Variants in FDFT1 observed in about 807,000 individuals in gnomAD.
FDFT1 encodes the protein squalene synthase.
In FDFT1, 68 loss-of-function variants were observed where a neutral mutation model predicts 46.8. That is an observed-to-expected ratio of 1.45 (90% CI 1.19 to 1.78). The LOEUF (loss-of-function observed/expected upper bound fraction) is 1.78, where lower values mean the gene tolerates loss of function less well. Ranked by LOEUF, FDFT1 falls within the 40% of genes most tolerant of loss-of-function variation. The pLI, the probability that FDFT1 is intolerant of heterozygous loss-of-function variation, is 0.00. For missense variants in FDFT1, 928 were observed against 524.4 expected, an observed-to-expected ratio of 1.77 and a Z score of -7.52; for synonymous variants, 351 against 185.1, an observed-to-expected ratio of 1.90 and a Z score of -7.28.
chr8:11,801,834 C>G (rs1032135348), upstream of FDFT1: 17 of 392,590 alleles, frequency 4.3e-5, no homozygotes, highest in Non-Finnish European at 7.0e-5. Context: ...GTTGGGACTA[C>G]AGGCGCCCAC....
At chr8:11,798,664 G>A (rs967940889), upstream of FDFT1, among the ~76,000 whole-genome samples, 1 of 152,108 alleles carries the variant, frequency 6.6e-6, no homozygotes, top group African/African-American at 2.4e-5. Context: ...TAAAGAATGG[G>A]CACGTTAACT....
chr8:11,827,957 T>G (rs1810236693), intron 5 of FDFT1, among the ~76,000 whole-genome samples: 1 of 151,898 alleles, frequency 6.6e-6, no homozygotes, highest in African/African-American at 2.4e-5. Context: ...ATCCCAGCAC[T>G]TTGGGAAGCC....
At chr8:11,796,885 G>A (rs1003703967) in intron 1 of FDFT1, among the ~76,000 whole-genome samples, 11 of 152,254 alleles carry the variant, frequency 7.2e-5, no homozygotes, top group African/African-American at 1.4e-4. Context: ...TAAAGAGGCA[G>A]TGTGACAGCT....
intron 2 of FDFT1, 32 bp from the exon 3 acceptor site, chr8:11,809,635 C>G (rs1289530500): frequency 1.3e-6 from 2 of 1,545,850 alleles, no homozygotes; most frequent in Non-Finnish European, 8.7e-7. Flanking sequence ...GCTGTTTGTT[C>G]CAATATATTA....
At chr8:11,832,077 C>CT (rs888168638) in intron 7 of FDFT1, among the ~76,000 whole-genome samples, 5 of 152,126 alleles carry the variant, frequency 3.3e-5, no homozygotes, top group African/African-American at 1.2e-4. Context: ...CAGTCTGGTA[C>CT]TTTCATTATG....
At chr8:11,816,280 A>G (rs924229203) in intron 3 of FDFT1, among the ~76,000 whole-genome samples, 3 of 152,154 alleles carry the variant, frequency 2.0e-5, no homozygotes, top group Admixed American at 2.0e-4. Context: ...GCCTTGTAGT[A>G]TAGTTTGAAG....
At chr8:11,833,496 T>C (rs1207221489) in intron 7 of FDFT1, among the ~76,000 whole-genome samples, 3 of 152,264 alleles carry the variant, frequency 2.0e-5, no homozygotes, top group Non-Finnish European at 4.4e-5. Context: ...TCACTAGTTT[T>C]AGAAACCAGT....
chr8:11,807,629 C>G (rs1400215568), intron 1 of FDFT1, among the ~76,000 whole-genome samples: 1 of 152,226 alleles, frequency 6.6e-6, no homozygotes, highest in African/African-American at 2.4e-5. Flanking sequence ...AACAGCAACT[C>G]TTTCTGATAT....
chr8:11,824,877 A>G (rs1809751085), intron 4 of FDFT1, among the ~76,000 whole-genome samples: 1 of 152,112 alleles, frequency 6.6e-6, no homozygotes. Context: ...CTGGGACTAC[A>G]GGCACCCGCC....
Position 11,809,675 on chromosome 8 carries a change from T to C in FDFT1, c.206T>C (p.Val69Ala). ...QALDGEMRNA[V>A]CIFYLVLRAL... ...TTTTCCCTTTTTTACAGCAACGCAGTGTGCATATTTTATCTGGTTCTCCGA... is the reference window on the plus strand; with the variant it reads ...TTTTCCCTTTTTTACAGCAACGCAGCGTGCATATTTTATCTGGTTCTCCGA... Residue 69 changes from valine (V) to alanine (A), a missense_variant, in exon 3 of 8, where the codon GTG (valine) becomes GCG (alanine). Val to Ala is a moderately conservative substitution (Grantham distance 64). Transcript: ENST00000220584. The C allele has an allele frequency of 1.2e-6, 2 of 1,609,780 alleles. No individual in the cohort carries two copies. The highest frequency in any genetic ancestry group is 1.7e-6 in the Non-Finnish European group (2 of 1,178,300).
Position 11,831,662 on chromosome 8 carries a change from A to G in FDFT1, c.1024A>G (p.Met342Val). 2.5e-6 allele frequency: 4 copies of G among 1,613,240 alleles called. No homozygotes were observed. The change falls in exon 7 of 8, where the codon ATG (methionine) becomes GTG (valine). Residue 342 changes from methionine (M) to valine (V), a missense_variant. Transcript: ENST00000220584. ...TGTCAAAGCCATCATATATCAGTAT[A>G]TGGAAGAGGTGGGTTTTTATTTAAC... ...PAVKAIIYQY[M>V]EEIYHRIPDS...
intron 7 of FDFT1, among the ~76,000 whole-genome samples, chr8:11,837,457 C>G (rs759369836): frequency 5.3e-5 from 8 of 152,136 alleles, no homozygotes; most frequent in African/African-American, 1.7e-4. Context: ...GTCTTAAACG[C>G]CTGAGCTTAA....
intron 5 of FDFT1, among the ~76,000 whole-genome samples, chr8:11,827,500 A>T (rs1810162976): frequency 1.3e-5 from 2 of 151,926 alleles, no homozygotes; most frequent in African/African-American, 2.4e-5. Context: ...CCTCGGTGGC[A>T]GAATGAAACT....
intron 3 of FDFT1, among the ~76,000 whole-genome samples, chr8:11,810,164 T>C (rs1053460010): frequency 2.0e-5 from 3 of 152,122 alleles, no homozygotes; most frequent in Non-Finnish European, 4.4e-5. Flanking sequence ...ACGTAGGTAA[T>C]GCTCTTAGAA....
At chr8:11,808,704 CCCCAGT>C (rs1371911265) in intron 1 of FDFT1, 84 bp from the exon 2 acceptor site, 191 of 1,406,184 alleles carry the variant, frequency 1.4e-4, no homozygotes, top group Middle Eastern at 5.8e-4. Context: ...GAGCCGCCTG[CCCCAGT>C]CCCACTCCCA....
intron 7 of FDFT1, among the ~76,000 whole-genome samples, chr8:11,835,670 C>A (rs78453221): frequency 0.011 from 1,628 of 152,158 alleles, 28 homozygotes; most frequent in African/African-American, 0.036. Flanking sequence ...ATAAGTACAA[C>A]AGGCTAACAA....
At chr8:11,806,173 C>G (rs1208072624) in intron 1 of FDFT1, among the ~76,000 whole-genome samples, 1 of 152,114 alleles carries the variant, frequency 6.6e-6, no homozygotes, top group East Asian at 1.9e-4. Flanking sequence ...TTCCTGACCA[C>G]CCCCACACCC....
chr8:11,827,900 C>CAAAACA (rs1554525630), intron 5 of FDFT1, among the ~76,000 whole-genome samples: 26 of 142,304 alleles, frequency 1.8e-4, no homozygotes, highest in Non-Finnish European at 3.8e-4. Context: ...CAAAACAAAA[C>CAAAACA]AAAAAAAACA....
At chr8:11,817,847 T>A (rs1440213244) in intron 3 of FDFT1, among the ~76,000 whole-genome samples, 1 of 152,052 alleles carries the variant, frequency 6.6e-6, no homozygotes, top group East Asian at 1.9e-4. Context: ...GGGTTTTTTG[T>A]GTGTCTATCT....
Sources: allele counts gnomAD v4.1 joint callset (sites outside exome capture counted in the v4.1 genomes callset), GRCh38; gene constraint gnomAD v4.1.1; transcripts MANE v1.5; gene names NCBI Gene and HGNC (gene_info 2026-07-23, HGNC 2026-07-21).